Variants in ERBB4 observed in about 807,000 individuals in gnomAD.
The protein encoded by ERBB4 is receptor tyrosine-protein kinase erbB-4.
Under a neutral mutation model 158.0 loss-of-function variants are expected in ERBB4, and 42 were observed. The observed-to-expected ratio is 0.27, with a 90% CI of 0.21 to 0.34. The LOEUF is 0.34. Ranked by LOEUF, ERBB4 falls within the 10% of genes least tolerant of loss-of-function variation. The pLI, the probability that ERBB4 is intolerant of heterozygous loss-of-function variation, is 1.00. For synonymous variants in ERBB4, 583 were observed against 558.7 expected (o/e 1.04, Z -0.61); for missense variants, 1,333 against 1,624.1 (o/e 0.82, Z 3.08).
At chr2:212,007,479 C>T (rs762299644) in intron 2 of ERBB4, among the ~76,000 whole-genome samples, 1 of 151,762 alleles carries the variant, frequency 6.6e-6, no homozygotes, top group African/African-American at 2.4e-5. Flanking sequence ...AAAGGAAATA[C>T]TCAAAAATCA....
chr2:212,213,980 A>G (rs2083016918), intron 1 of ERBB4, among the ~76,000 whole-genome samples: 1 of 151,850 alleles, frequency 6.6e-6, no homozygotes. Context: ...TTTTCCTTAA[A>G]TCACCAAGCC....
rs1367327547 is a variant in ERBB4, at chr2:212,149,028, G to C, written c.83-24125C>G. ...TGGGGACTGTTGTGGGGTGGGGGGA[G>C]GGGGGAGGGATAGCATTGGGAGATA... On this transcript the variant is annotated intron_variant, in intron 1 of 27. Transcript: ENST00000342788. 5.3e-5 allele frequency among the ~76,000 whole-genome samples: 4 copies of C among 75,046 alleles called. No homozygotes were observed. In the East Asian group the frequency reaches 1.8e-3, roughly 34 times the overall value. The allele number at this position is 75,046 out of a possible 152,430, so 49.2% of individuals were successfully genotyped here.
chr2:212,352,908 T>C (rs1333421092), intron 1 of ERBB4, among the ~76,000 whole-genome samples: 1 of 151,918 alleles, frequency 6.6e-6, no homozygotes, highest in East Asian at 1.9e-4. Context: ...ATAAATTGAA[T>C]TATAATTTAC....
At chr2:212,170,875 C>T (rs1341585277) in intron 1 of ERBB4, among the ~76,000 whole-genome samples, 1 of 152,154 alleles carries the variant, frequency 6.6e-6, no homozygotes, top group Non-Finnish European at 1.5e-5. Flanking sequence ...AGAACCTCTG[C>T]TAGGGCAGTG....
At chr2:212,486,511 GC>G (rs1433530525) in intron 1 of ERBB4, among the ~76,000 whole-genome samples, 4 of 152,126 alleles carry the variant, frequency 2.6e-5, no homozygotes, top group Admixed American at 2.6e-4. Context: ...AATTAAGTTT[GC>G]CCCACACTTC....
chr2:212,114,603 T>C (rs1383191036), intron 2 of ERBB4, among the ~76,000 whole-genome samples: 1 of 152,226 alleles, frequency 6.6e-6, no homozygotes, highest in Admixed American at 6.5e-5. Flanking sequence ...TCTGTGTTTG[T>C]CTTTCATGAA....
At chr2:211,836,686 C>T (rs529614928) in intron 3 of ERBB4, among the ~76,000 whole-genome samples, 5 of 152,134 alleles carry the variant, frequency 3.3e-5, no homozygotes, top group Admixed American at 1.3e-4. Flanking sequence ...CAGACAAGGG[C>T]CAATCTTGCA....
intron 1 of ERBB4, among the ~76,000 whole-genome samples, chr2:212,504,559 T>C (rs937963556): frequency 3.3e-5 from 5 of 151,958 alleles, no homozygotes; most frequent in African/African-American, 1.2e-4. Flanking sequence ...AAGGAATAAA[T>C]GACCAATGGA....
chr2:211,731,371 T>C (rs1382915541), intron 5 of ERBB4, among the ~76,000 whole-genome samples: 1 of 152,136 alleles, frequency 6.6e-6, no homozygotes, highest in Non-Finnish European at 1.5e-5. Flanking sequence ...AATAACTAGA[T>C]AGTATTTGAA....
chr2:211,939,132 C>T (rs1286564264), intron 3 of ERBB4, among the ~76,000 whole-genome samples: 1 of 152,144 alleles, frequency 6.6e-6, no homozygotes, highest in Non-Finnish European at 1.5e-5. Flanking sequence ...TTCTAAAATA[C>T]AGCCTTAAGA....
At chr2:212,364,906 T>C (rs2089827558) in intron 1 of ERBB4, among the ~76,000 whole-genome samples, 1 of 122,382 alleles carries the variant, frequency 8.2e-6, no homozygotes, top group Non-Finnish European at 1.8e-5. Context: ...CGTCTGTGTG[T>C]GTGTGTGAGT....
intron 1 of ERBB4, among the ~76,000 whole-genome samples, chr2:212,490,565 G>T (rs1051044672): frequency 1.3e-5 from 2 of 151,670 alleles, no homozygotes; most frequent in African/African-American, 4.8e-5. Context: ...AAAGTGTTTT[G>T]AATCAAATTC....
At chr2:212,236,700 T>C (rs1368038884) in intron 1 of ERBB4, among the ~76,000 whole-genome samples, 1 of 152,156 alleles carries the variant, frequency 6.6e-6, no homozygotes, top group African/African-American at 2.4e-5. Context: ...CTTCGGAGGG[T>C]GTATGTGTCC....
chr2:212,095,949 A>T (rs1444968357), intron 2 of ERBB4, among the ~76,000 whole-genome samples: 5 of 150,676 alleles, frequency 3.3e-5, no homozygotes, highest in African/African-American at 1.2e-4. Context: ...AAAAAAAGAA[A>T]AAAAAAAAAA....
chr2:211,868,941 T>A (rs2078275346), intron 3 of ERBB4, among the ~76,000 whole-genome samples: 2 of 152,346 alleles, frequency 1.3e-5, no homozygotes, highest in South Asian at 2.1e-4. Context: ...CTAACCATGA[T>A]GCTTGTCTTG....
chr2:211,500,169 T>A (rs1476535152), intron 20 of ERBB4, among the ~76,000 whole-genome samples: 2 of 152,172 alleles, frequency 1.3e-5, no homozygotes, highest in East Asian at 3.8e-4. Flanking sequence ...CTAAGTTTTA[T>A]AATGACACAA....
chr2:212,495,599 T>G (rs964188857), intron 1 of ERBB4, among the ~76,000 whole-genome samples: 1 of 152,176 alleles, frequency 6.6e-6, no homozygotes, highest in African/African-American at 2.4e-5. Context: ...CCAATAGAAA[T>G]GTACCTGGCG....
intron 7 of ERBB4, among the ~76,000 whole-genome samples, chr2:211,718,338 C>G (rs2073990339): frequency 6.6e-6 from 1 of 152,124 alleles, no homozygotes; most frequent in African/African-American, 2.4e-5. Flanking sequence ...ATCCCATGTC[C>G]CTTACACACA....
chr2:211,942,488 C>A (rs1166502287), intron 3 of ERBB4, among the ~76,000 whole-genome samples: 4 of 152,016 alleles, frequency 2.6e-5, no homozygotes, highest in Non-Finnish European at 5.9e-5. Context: ...TCCTGAGCAG[C>A]TGGGACCGCA....
Sources: gnomAD v4.1 joint callset for allele counts (sites outside exome capture counted in the v4.1 genomes callset) on GRCh38, gnomAD v4.1.1 for gene constraint, MANE v1.5 for transcripts, NCBI Gene and HGNC (gene_info 2026-07-23, HGNC 2026-07-21) for gene names.